The following CPA6 variants were observed in gnomAD, a reference collection of about 807,000 sequenced individuals.
CPA6 encodes carboxypeptidase A6.
In CPA6, 58 loss-of-function variants were observed where a neutral mutation model predicts 63.3. The ratio of observed to expected loss-of-function variants is 0.92; its 90% CI spans 0.74 to 1.14. CPA6 has a LOEUF of 1.14. Among genes scored for constraint, CPA6 ranks in the 50% most tolerant of loss-of-function variants. The pLI is 0.00. For synonymous variants in CPA6, 185 were observed against 179.0 expected (o/e 1.03, Z -0.27); for missense variants, 565 against 526.6 (o/e 1.07, Z -0.71).
In CPA6 at chr8:67,555,481, G is replaced by A. The variant is rs189491130; in HGVS notation, c.193-37434C>T. On this transcript the variant is annotated intron_variant, in intron 2 of 10. Coordinates refer to ENST00000297770, the MANE Select transcript of CPA6 (RefSeq NM_020361.5). The stretch of plus-strand genomic sequence containing the variant: ...AGGACGGGGAAGCCCCCTCATCCCC[G>A]TACCTTGCCCTATGCATCTCTCCAT... 6.2e-4 allele frequency among the ~76,000 whole-genome samples: 95 copies of A among 152,288 alleles called. 1 individual carries two copies. The highest frequency in any genetic ancestry group is 3.4e-3 in the Middle Eastern group (1 of 292).
intron 1 of CPA6, among the ~76,000 whole-genome samples, chr8:67,662,523 G>A (rs1273477239): frequency 5.2e-5 from 7 of 134,128 alleles, no homozygotes; most frequent in Admixed American, 1.5e-4. Flanking sequence ...ACATACACAC[G>A]TATATGTATA....
At chr8:67,745,579 A>C (rs1004176206) in intron 1 of CPA6, among the ~76,000 whole-genome samples, 3 of 126,466 alleles carry the variant, frequency 2.4e-5, no homozygotes, top group Non-Finnish European at 5.0e-5. Flanking sequence ...AAGCACAGAC[A>C]AAAAAAAAAT....
chr8:67,584,298 G>T (rs1453165571), intron 2 of CPA6, among the ~76,000 whole-genome samples: 1 of 152,208 alleles, frequency 6.6e-6, no homozygotes, highest in Non-Finnish European at 1.5e-5. Context: ...GATAATAAGG[G>T]AGGAGGAAGT....
At chr8:67,687,561 T>C (rs1213439523) in intron 1 of CPA6, among the ~76,000 whole-genome samples, 2 of 152,156 alleles carry the variant, frequency 1.3e-5, no homozygotes, top group Non-Finnish European at 2.9e-5. Context: ...AATGGGGTTG[T>C]TGGTTGTATG....
intron 1 of CPA6, among the ~76,000 whole-genome samples, chr8:67,741,074 A>G (rs567814022): frequency 1.3e-5 from 2 of 152,258 alleles, no homozygotes; most frequent in South Asian, 4.2e-4. Flanking sequence ...CATGGGAAAA[A>G]AGGATATGCC....
In CPA6 at chr8:67,515,528, G is replaced by A. The variant is rs186610298; in HGVS notation, c.317+2395C>T. Among the ~76,000 whole-genome samples, 236 of 152,274 alleles carry A rather than the reference G, an allele frequency of 1.5e-3. 1 individual carries two copies. Among genetic ancestry groups the A allele is most frequent in the African/African-American group, 5.5e-3 (228 of 41,548 alleles). The stretch of plus-strand genomic sequence containing the variant: ...CTACCGTGGGGCATAAGGGAGGAAG[G>A]TCAGCGTATTCTCTTATACGCCGTG... On this transcript the variant is annotated intron_variant, in intron 3 of 10. Coordinates refer to ENST00000297770, the MANE Select transcript of CPA6 (RefSeq NM_020361.5).
At chr8:67,609,618 A>G (rs1178094447) in intron 2 of CPA6, among the ~76,000 whole-genome samples, 1 of 152,216 alleles carries the variant, frequency 6.6e-6, no homozygotes, top group Non-Finnish European at 1.5e-5. Context: ...TATTCCAGAA[A>G]CAATGTTGTG....
intron 1 of CPA6, among the ~76,000 whole-genome samples, chr8:67,670,040 TATATAG>T (rs1176810376): frequency 3.9e-5 from 6 of 152,226 alleles, no homozygotes; most frequent in Admixed American, 2.6e-4. Flanking sequence ...AAAACTAGTC[TATATAG>T]AATAGCACTC....
chr8:67,632,595 A>G (rs971800934), intron 1 of CPA6, among the ~76,000 whole-genome samples: 2 of 152,204 alleles, frequency 1.3e-5, no homozygotes, highest in African/African-American at 2.4e-5. Context: ...TACAGGTATG[A>G]GCCACTGCAC....
intron 4 of CPA6, 62 bp from the exon 5 acceptor site, chr8:67,509,680 CA>C: frequency 1.3e-6 from 1 of 782,078 alleles, no homozygotes; most frequent in Non-Finnish European, 2.1e-6. Context: ...TTTTAGAGAA[CA>C]AAAGGAAACA....
intron 1 of CPA6, among the ~76,000 whole-genome samples, chr8:67,687,227 G>T (rs1277765416): frequency 1.3e-5 from 2 of 152,198 alleles, no homozygotes; most frequent in Admixed American, 6.5e-5. Flanking sequence ...AGCACTGAAA[G>T]TCCCATGAGC....
intron 2 of CPA6, among the ~76,000 whole-genome samples, chr8:67,614,641 C>T (rs1477985782): frequency 6.6e-6 from 1 of 152,094 alleles, no homozygotes; most frequent in Non-Finnish European, 1.5e-5. Context: ...GAAAATTGCC[C>T]CCATTTTGTC....
intron 8 of CPA6, among the ~76,000 whole-genome samples, chr8:67,475,879 CTCCTTTCTTT>C (rs1563968017): frequency 0.011 from 508 of 44,796 alleles, 3 homozygotes; most frequent in Middle Eastern, 0.019. Context: ...TTCTTTCTTT[CTCCTTTCTTT>C]CTTTCTTTCT....
chr8:67,574,829 A>AT (rs913692512), intron 2 of CPA6, among the ~76,000 whole-genome samples: 82 of 147,168 alleles, frequency 5.6e-4, no homozygotes, highest in Non-Finnish European at 8.0e-4. Context: ...CCAGCCTACG[A>AT]TTTTTTTTTT....
At chr8:67,712,865 C>G (rs1030946809) in intron 1 of CPA6, among the ~76,000 whole-genome samples, 2 of 151,458 alleles carry the variant, frequency 1.3e-5, no homozygotes, top group Non-Finnish European at 2.9e-5. Flanking sequence ...ACACTGTACA[C>G]GGACCCGCCT....
At chr8:67,670,771 A>G (rs1036165672) in intron 1 of CPA6, among the ~76,000 whole-genome samples, 2 of 152,180 alleles carry the variant, frequency 1.3e-5, no homozygotes, top group Admixed American at 1.3e-4. Flanking sequence ...TTTACCCAGC[A>G]TTTTCTTCCA....
intron 1 of CPA6, among the ~76,000 whole-genome samples, chr8:67,625,959 C>T (rs1448662451): frequency 2.0e-5 from 3 of 152,072 alleles, no homozygotes; most frequent in African/African-American, 7.2e-5. Flanking sequence ...GGCATATTTT[C>T]CCCTTGTTGT....
At position 67,591,303 on chromosome 8, in the gene CPA6, T is replaced by C. The variant is rs1403631022; in HGVS notation, c.192+32873A>G. Reference sequence around the variant, plus strand: ...GGTTACTGTAGCCTTGTAGTATAGTTTGAAGTCAGGTAGTGTGATGCCTCC... The same window carrying C: ...GGTTACTGTAGCCTTGTAGTATAGTCTGAAGTCAGGTAGTGTGATGCCTCC... On this transcript the variant is annotated intron_variant, in intron 2 of 10. Transcript: ENST00000297770. Among the ~76,000 whole-genome samples the C allele has an allele frequency of 1.1e-4, 16 of 152,078 alleles. No individual in the cohort carries two copies. The East Asian group carries it at 2.3e-3, about 22-fold the overall frequency.
chr8:67,536,691 T>C (rs985570899), intron 2 of CPA6, among the ~76,000 whole-genome samples: 4 of 152,212 alleles, frequency 2.6e-5, no homozygotes, highest in African/African-American at 7.2e-5. Flanking sequence ...CATTTATTTC[T>C]TTCTCTTGCC....
Sources: allele counts gnomAD v4.1 joint callset (sites outside exome capture counted in the v4.1 genomes callset), GRCh38; gene constraint gnomAD v4.1.1; transcripts MANE v1.5; gene names NCBI Gene and HGNC (gene_info 2026-07-23, HGNC 2026-07-21).